Variants in EPHA4 observed in about 807,000 individuals in gnomAD.
The protein encoded by EPHA4 is ephrin type-A receptor 4.
Under a neutral mutation model 108.3 loss-of-function variants are expected in EPHA4, and 19 were observed. The observed-to-expected ratio is 0.18, with a 90% CI of 0.12 to 0.26. The LOEUF (loss-of-function observed/expected upper bound fraction) is 0.26, where lower values mean the gene tolerates loss of function less well. Ranked by LOEUF, EPHA4 falls within the 10% of genes least tolerant of loss-of-function variation. The pLI is 1.00. For synonymous variants in EPHA4, 449 were observed against 455.5 expected (o/e 0.99, Z 0.18); for missense variants, 917 against 1,254.0 (o/e 0.73, Z 4.06).
At chr2:221,552,320 C>T (rs777439681) in intron 3 of EPHA4, among the ~76,000 whole-genome samples, 1 of 152,188 alleles carries the variant, frequency 6.6e-6, no homozygotes, top group Non-Finnish European at 1.5e-5. Flanking sequence ...CTAATCCTCT[C>T]CATAATTACA....
Position 221,443,420 on chromosome 2 carries a change from A to C in EPHA4, c.1888+73T>G, listed in dbSNP as rs142269994. ...ATATAATATACTCACAAAAGCATTT[A>C]TGTAATCCACACACATATTTAACAT... On this transcript the variant is annotated intron_variant, in intron 10 of 17. Transcript: ENST00000281821. 3.5e-6 allele frequency: 4 copies of C among 1,131,126 alleles called. No individual in the cohort carries two copies. The East Asian group carries it at 9.6e-5, about 27-fold the overall frequency. 70.1% of individuals were successfully genotyped at this position (1,131,126 alleles called of 1,614,324 possible). A position where few individuals can be genotyped will look rare whatever the true frequency, so the allele number is the denominator to read the frequency against.
chr2:221,529,854 G>T (rs989192465), intron 3 of EPHA4, among the ~76,000 whole-genome samples: 1 of 152,128 alleles, frequency 6.6e-6, no homozygotes, highest in Admixed American at 6.5e-5. Flanking sequence ...GGAAACCCAC[G>T]AGTCTATTTT....
intron 3 of EPHA4, among the ~76,000 whole-genome samples, chr2:221,523,292 A>T (rs901115939): frequency 1.4e-5 from 2 of 147,218 alleles, no homozygotes; most frequent in Non-Finnish European, 3.0e-5. Flanking sequence ...TTAGTCAATA[A>T]TTTTTTTTTT....
intron 3 of EPHA4, among the ~76,000 whole-genome samples, chr2:221,544,926 G>A (rs944205914): frequency 2.6e-5 from 4 of 152,116 alleles, no homozygotes; most frequent in African/African-American, 7.2e-5. Flanking sequence ...TACAAGCCAC[G>A]AAAGAGGCCT....
intron 17 of EPHA4, among the ~76,000 whole-genome samples, chr2:221,421,129 C>T (rs1689748352): frequency 6.6e-6 from 1 of 152,070 alleles, no homozygotes; most frequent in Non-Finnish European, 1.5e-5. Flanking sequence ...AACCCCGTCT[C>T]TACTAAAAAT....
At chr2:221,495,781 T>G (rs777222366) in intron 4 of EPHA4, among the ~76,000 whole-genome samples, 45 of 152,214 alleles carry the variant, frequency 3.0e-4, no homozygotes, top group Non-Finnish European at 8.8e-5. Context: ...GGTCTAATTG[T>G]TCTCCAAGTG....
At chr2:221,449,549 T>C (rs1332795232) in intron 8 of EPHA4, among the ~76,000 whole-genome samples, 5 of 152,302 alleles carry the variant, frequency 3.3e-5, no homozygotes, top group Non-Finnish European at 7.3e-5. Flanking sequence ...AGAGCCCACA[T>C]TGCAGGTGAA....
At chr2:221,570,985 T>A (rs953346562) in intron 1 of EPHA4, among the ~76,000 whole-genome samples, 1 of 152,022 alleles carries the variant, frequency 6.6e-6, no homozygotes, top group East Asian at 1.9e-4. Context: ...TGAGACTAGA[T>A]GCACGCAGGC....
intron 3 of EPHA4, among the ~76,000 whole-genome samples, chr2:221,542,890 T>C (rs1465008784): frequency 6.6e-6 from 1 of 152,192 alleles, no homozygotes; most frequent in Admixed American, 6.5e-5. Flanking sequence ...CAAAAAACCT[T>C]GAGAAAGTAA....
At chr2:221,440,261 A>G (rs1250793245) in intron 11 of EPHA4, among the ~76,000 whole-genome samples, 1 of 152,206 alleles carries the variant, frequency 6.6e-6, no homozygotes, top group African/African-American at 2.4e-5. Context: ...TATAACAGTT[A>G]CAGCTGTAAT....
chr2:221,460,679 C>T (rs1368130211), intron 5 of EPHA4, among the ~76,000 whole-genome samples: 1 of 152,194 alleles, frequency 6.6e-6, no homozygotes, highest in East Asian at 1.9e-4. Flanking sequence ...CACATATGGG[C>T]TTTTCCCTCA....
At chr2:221,429,782 C>T (rs1690016815) in intron 15 of EPHA4, among the ~76,000 whole-genome samples, 176 bp downstream of exon 15, 2 of 152,064 alleles carry the variant, frequency 1.3e-5, no homozygotes, top group Non-Finnish European at 2.9e-5. Context: ...ATTAGTTATT[C>T]AAAATGCTGA....
chr2:221,437,669 T>C (rs56131882), intron 11 of EPHA4, among the ~76,000 whole-genome samples: 35,296 of 150,394 alleles, frequency 0.23, 4,196 homozygotes, highest in African/African-American at 0.26. Flanking sequence ...CTCAGCACTT[T>C]GGGAGGCCAA....
chr2:221,464,520 C>A (rs907259010), intron 5 of EPHA4, among the ~76,000 whole-genome samples: 3 of 152,202 alleles, frequency 2.0e-5, no homozygotes, highest in African/African-American at 4.8e-5. Flanking sequence ...AAGGATTCCT[C>A]CTCTCAAGCT....
intron 3 of EPHA4, among the ~76,000 whole-genome samples, chr2:221,524,091 C>CCAAAT (rs1693251807): frequency 6.6e-6 from 1 of 152,056 alleles, no homozygotes; most frequent in Non-Finnish European, 1.5e-5. Flanking sequence ...ACTGAGGCAC[C>CCAAAT]CAAATCATGC....
intron 5 of EPHA4, among the ~76,000 whole-genome samples, chr2:221,480,195 T>C (rs769770403): frequency 1.3e-5 from 2 of 152,062 alleles, no homozygotes; most frequent in Non-Finnish European, 2.9e-5. Flanking sequence ...CAGGGGGTCA[T>C]AGAAGTCTCC....
chr2:221,434,412 CA>C, intron 13 of EPHA4, 121 bp from the exon 14 acceptor site: 2 of 984,746 alleles, frequency 2.0e-6, no homozygotes, highest in East Asian at 2.5e-5. Flanking sequence ...GCTCTCAAAA[CA>C]ATAAGACACT....
At chr2:221,466,255 T>C (rs1691311851) in intron 5 of EPHA4, among the ~76,000 whole-genome samples, 1 of 152,246 alleles carries the variant, frequency 6.6e-6, no homozygotes, top group Non-Finnish European at 1.5e-5. Context: ...CAAAATGGTT[T>C]GGTTGAGTTT....
At chr2:221,560,807 A>C (rs1299594689) in intron 3 of EPHA4, among the ~76,000 whole-genome samples, 1 of 152,190 alleles carries the variant, frequency 6.6e-6, no homozygotes, top group Non-Finnish European at 1.5e-5. Context: ...TAGCTAAGTG[A>C]CCAAATTCAT....
Sources: gnomAD v4.1 joint callset for allele counts (sites outside exome capture counted in the v4.1 genomes callset) on GRCh38, gnomAD v4.1.1 for gene constraint, MANE v1.5 for transcripts, NCBI Gene and HGNC (gene_info 2026-07-23, HGNC 2026-07-21) for gene names.